The following MME variants were observed in gnomAD, a reference collection of about 807,000 sequenced individuals.
MME encodes membrane metalloendopeptidase, also known as neprilysin.
Under a neutral mutation model 113.2 loss-of-function variants are expected in MME, and 98 were observed. That is an observed-to-expected ratio of 0.87 (90% CI 0.74 to 1.02). The LOEUF is 1.02. MME is among the 50% of genes least tolerant of loss of function. The pLI is 0.00. For synonymous variants in MME, 292 were observed against 300.6 expected, an observed-to-expected ratio of 0.97 and a Z score of 0.30; for missense variants, 836 against 896.0, an observed-to-expected ratio of 0.93 and a Z score of 0.86.
At chr3:155,027,643 G>A (rs1029858802) in intron 1 of MME, among the ~76,000 whole-genome samples, 2 of 152,100 alleles carry the variant, frequency 1.3e-5, no homozygotes, top group South Asian at 2.1e-4. Flanking sequence ...ATTTCTTTGT[G>A]TTAGGATTTC....
At chr3:155,066,510 A>G (rs1714384294) in intron 1 of MME, among the ~76,000 whole-genome samples, 2 of 152,168 alleles carry the variant, frequency 1.3e-5, no homozygotes, top group Admixed American at 1.3e-4. Context: ...CGTCGTTTGA[A>G]AGTAATTGAG....
At chr3:155,143,708 C>A in intron 13 of MME, 137 bp downstream of exon 13, 3 of 1,001,524 alleles carry the variant, frequency 3.0e-6, no homozygotes, top group Non-Finnish European at 4.6e-6. Context: ...TCATAATATG[C>A]CATTGTTTCC....
upstream of MME, among the ~76,000 whole-genome samples, chr3:155,079,388 G>A (rs930197270): frequency 3.3e-5 from 5 of 152,154 alleles, no homozygotes; most frequent in Middle Eastern, 3.4e-3. Flanking sequence ...CGAAGAGCCC[G>A]TGTATTGTTT....
chr3:155,039,623 T>A (rs1175286422), intron 1 of MME, among the ~76,000 whole-genome samples: 1 of 152,142 alleles, frequency 6.6e-6, no homozygotes, highest in African/African-American at 2.4e-5. Flanking sequence ...TAGTAGTGTA[T>A]CAAAGATAAT....
At chr3:155,092,968 T>C (rs1716418788) in intron 3 of MME, among the ~76,000 whole-genome samples, 1 of 152,016 alleles carries the variant, frequency 6.6e-6, no homozygotes, top group Non-Finnish European at 1.5e-5. Flanking sequence ...AATTGGATTG[T>C]GGTGATGGTT....
rs933133652 is a variant in MME at position 155,183,308 on chromosome 3, A to G, written c.*2849A>G. 2 of 152,168 alleles carry G rather than the reference A, an allele frequency of 1.3e-5. No homozygotes were observed. Among genetic ancestry groups the G allele is most frequent in the African/African-American group, 4.8e-5 (2 of 41,444 alleles). 9.4% of individuals were successfully genotyped at this position (152,168 alleles called of 1,614,324 possible). ...ACCTAAAAAAAGAGAATTAGATTAT[A>G]TTGGTGGTTCTCAGCAAGAGAAGGA... On this transcript the variant is annotated 3_prime_UTR_variant, in exon 23 of 23. Transcript: ENST00000360490.
chr3:155,057,151 G>C (rs1332590436), intron 1 of MME, among the ~76,000 whole-genome samples: 2 of 152,044 alleles, frequency 1.3e-5, no homozygotes, highest in Non-Finnish European at 2.9e-5. Context: ...CCATCAGAGT[G>C]AACAAGCAAC....
At chr3:155,102,572 A>C (rs1189161926) in intron 3 of MME, among the ~76,000 whole-genome samples, 1 of 152,164 alleles carries the variant, frequency 6.6e-6, no homozygotes, top group African/African-American at 2.4e-5. Context: ...AGAAAGCATA[A>C]GTCAACTTGG....
chr3:155,097,649 T>C (rs1716852116), intron 3 of MME, among the ~76,000 whole-genome samples: 1 of 152,166 alleles, frequency 6.6e-6, no homozygotes, highest in Non-Finnish European at 1.5e-5. Flanking sequence ...CCCCTTTTAT[T>C]TAATACTAGG....
intron 8 of MME, among the ~76,000 whole-genome samples, chr3:155,130,952 C>A (rs1029784511): frequency 3.3e-5 from 5 of 152,030 alleles, no homozygotes; most frequent in African/African-American, 1.2e-4. Flanking sequence ...TCCTTGTTCT[C>A]ATGGAACTCA....
Position 155,033,217 on chromosome 3 carries a change from C to T in MME, c.-11+8893C>T, listed in dbSNP as rs976802782. On this transcript the variant is annotated intron_variant, in intron 1 of 22. Coordinates refer to the MME transcript ENST00000492661. ...CAAACATGCTATGTGACTCAGGCTCCAGGGCTTAACTTCCTCTTTGGCACC... is the reference window on the plus strand; with the variant it reads ...CAAACATGCTATGTGACTCAGGCTCTAGGGCTTAACTTCCTCTTTGGCACC... 9.9e-5 allele frequency among the ~76,000 whole-genome samples: 15 copies of T among 152,184 alleles called. 1 individual carries two copies. The highest frequency in any genetic ancestry group is 3.4e-4 in the African/African-American group (14 of 41,448).
At chr3:155,105,675 T>A (rs1333285240) in intron 3 of MME, among the ~76,000 whole-genome samples, 1 of 152,188 alleles carries the variant, frequency 6.6e-6, no homozygotes, top group Non-Finnish European at 1.5e-5. Flanking sequence ...CTATGTGAAC[T>A]TGGGCACAAA....
At chr3:155,028,249 G>A (rs78022684) in intron 1 of MME, among the ~76,000 whole-genome samples, 1,779 of 152,296 alleles carry the variant, frequency 0.012, 13 homozygotes, top group African/African-American at 0.021. Context: ...ATTGTGTTTA[G>A]TGATAAGGAC....
chr3:155,076,940 G>T (rs1047215460), upstream of MME, among the ~76,000 whole-genome samples: 1 of 152,122 alleles, frequency 6.6e-6, no homozygotes, highest in Non-Finnish European at 1.5e-5. Flanking sequence ...TGGCCATCTT[G>T]GTTTTGGTAG....
upstream of MME, among the ~76,000 whole-genome samples, chr3:155,079,048 T>G (rs1014832542): frequency 1.3e-5 from 2 of 152,054 alleles, no homozygotes; most frequent in African/African-American, 4.8e-5. Context: ...CGTTTTAAGA[T>G]TCCCTGAAGT....
intron 3 of MME, among the ~76,000 whole-genome samples, chr3:155,105,099 C>A (rs1379011551): frequency 1.3e-5 from 2 of 152,074 alleles, no homozygotes; most frequent in Non-Finnish European, 2.9e-5. Flanking sequence ...TGGCTGTGAG[C>A]CATTCATTGA....
At chr3:155,172,026 G>A in intron 20 of MME, 91 bp from the exon 21 acceptor site, 1 of 763,692 alleles carries the variant, frequency 1.3e-6, no homozygotes, top group Non-Finnish European at 2.3e-6. Context: ...AACATAAAAT[G>A]TTAATTACTT....
At chr3:155,060,696 A>C (rs933421225) in intron 1 of MME, among the ~76,000 whole-genome samples, 7 of 151,238 alleles carry the variant, frequency 4.6e-5, no homozygotes, top group African/African-American at 4.9e-5. Context: ...GTGGCTTAAC[A>C]AACGTGTTTC....
At chr3:155,169,385 A>G (rs1182889890) in intron 20 of MME, among the ~76,000 whole-genome samples, 3 of 152,180 alleles carry the variant, frequency 2.0e-5, no homozygotes, top group Admixed American at 6.6e-5. Context: ...TTAGCCTTCC[A>G]TTCATTCTTG....
Sources: allele counts gnomAD v4.1 joint callset (sites outside exome capture counted in the v4.1 genomes callset), GRCh38; gene constraint gnomAD v4.1.1; transcripts MANE v1.5; gene names NCBI Gene and HGNC (gene_info 2026-07-23, HGNC 2026-07-21).